The following PGCKA1 variants were observed in gnomAD, a reference collection of about 807,000 sequenced individuals.
PGCKA1 encodes PDCD10 and GCKIII kinases associated 1.
the PGCKA1 span, among the ~76,000 whole-genome samples, chr4:37,536,628 G>A: frequency 2.0e-5 from 3 of 152,262 alleles, no homozygotes; most frequent in Non-Finnish European, 4.4e-5. Context: ...TCTTTATCCT[G>A]TAGAGATGGA....
chr4:37,588,844 A>G, the PGCKA1 span: 1 of 1,607,350 alleles, frequency 6.2e-7, no homozygotes, highest in Non-Finnish European at 8.5e-7. Context: ...TTTCTTTTCC[A>G]GGTGGTAACA....
the PGCKA1 span, among the ~76,000 whole-genome samples, chr4:37,582,789 C>T: frequency 0.12 from 17,648 of 152,036 alleles, 2,765 homozygotes; most frequent in African/African-American, 0.35. Flanking sequence ...GTTTCTCCAA[C>T]GTAAGGATAA....
At chr4:37,478,881 G>A in the PGCKA1 span, among the ~76,000 whole-genome samples, 2 of 152,106 alleles carry the variant, frequency 1.3e-5, no homozygotes, top group Admixed American at 6.6e-5. Context: ...AGTATGTCCC[G>A]TAAACATCTT....
At chr4:37,485,513 C>T in the PGCKA1 span, among the ~76,000 whole-genome samples, 5 of 152,088 alleles carry the variant, frequency 3.3e-5, no homozygotes, top group African/African-American at 1.2e-4. Context: ...GATGGGGGCC[C>T]CTTGACCTTG....
At chr4:37,570,003 G>T in the PGCKA1 span, among the ~76,000 whole-genome samples, 1 of 131,956 alleles carries the variant, frequency 7.6e-6, no homozygotes. Flanking sequence ...TTTTTGAGAC[G>T]GAGTCTCGCT....
the PGCKA1 span, among the ~76,000 whole-genome samples, chr4:37,551,998 T>G: frequency 0.36 from 55,327 of 152,022 alleles, 10,240 homozygotes; most frequent in East Asian, 0.53. Flanking sequence ...AGGGAAGAGA[T>G]AAACCCTCTC....
At chr4:37,498,568 C>T in the PGCKA1 span, among the ~76,000 whole-genome samples, 5 of 152,150 alleles carry the variant, frequency 3.3e-5, no homozygotes, top group Non-Finnish European at 7.4e-5. Context: ...TTTGTGTTGT[C>T]TATGATTTCT....
At chr4:37,487,213 C>T in the PGCKA1 span, among the ~76,000 whole-genome samples, 2 of 152,084 alleles carry the variant, frequency 1.3e-5, no homozygotes, top group Non-Finnish European at 2.9e-5. Flanking sequence ...AGAGATTGAC[C>T]CCCACACACT....
At chr4:37,502,638 G>A in the PGCKA1 span, among the ~76,000 whole-genome samples, 1 of 152,154 alleles carries the variant, frequency 6.6e-6, no homozygotes. Flanking sequence ...TGCGCACATG[G>A]GTGCTAGCAG....
At chr4:37,482,595 G>C in the PGCKA1 span, among the ~76,000 whole-genome samples, 1 of 152,146 alleles carries the variant, frequency 6.6e-6, no homozygotes, top group African/African-American at 2.4e-5. Context: ...CCCTTTTTCT[G>C]GGGAGAAAGT....
the PGCKA1 span, among the ~76,000 whole-genome samples, chr4:37,511,931 C>T: frequency 6.6e-6 from 1 of 152,270 alleles, no homozygotes; most frequent in Non-Finnish European, 1.5e-5. Context: ...GCACAATTCC[C>T]CTCTGGCTAG....
the PGCKA1 span, among the ~76,000 whole-genome samples, chr4:37,527,912 A>G: frequency 6.6e-6 from 1 of 152,168 alleles, no homozygotes; most frequent in Non-Finnish European, 1.5e-5. Context: ...TCCTAGGGGC[A>G]ATAGGCTATA....
chr4:37,526,201 G>A, the PGCKA1 span, among the ~76,000 whole-genome samples: 9 of 152,158 alleles, frequency 5.9e-5, no homozygotes, highest in African/African-American at 9.7e-5. Flanking sequence ...TAATTGCTTC[G>A]TGTGTTGGAT....
chr4:37,503,330 C>T, the PGCKA1 span, among the ~76,000 whole-genome samples: 316 of 152,300 alleles, frequency 2.1e-3, 1 homozygote, highest in African/African-American at 7.4e-3. Context: ...CAGTGTCTTC[C>T]TTCCAGGCAC....
chr4:37,567,516 G>T, the PGCKA1 span, among the ~76,000 whole-genome samples: 3 of 152,344 alleles, frequency 2.0e-5, no homozygotes, highest in African/African-American at 7.2e-5. Flanking sequence ...CACAAAGCTA[G>T]TAAGCAGTGG....
At chr4:37,529,310 T>C in the PGCKA1 span, among the ~76,000 whole-genome samples, 26,376 of 152,188 alleles carry the variant, frequency 0.17, 2,537 homozygotes, top group East Asian at 0.26. Flanking sequence ...AATTATAAGC[T>C]AGTAAATCTT....
chr4:37,553,510 A>G, the PGCKA1 span, among the ~76,000 whole-genome samples: 10 of 152,358 alleles, frequency 6.6e-5, no homozygotes, highest in South Asian at 2.1e-3. Context: ...AATAAACTAT[A>G]ATATGGGATT....
At chr4:37,548,001 C>CAAAA in the PGCKA1 span, among the ~76,000 whole-genome samples, 32 of 115,736 alleles carry the variant, frequency 2.8e-4, 1 homozygote, top group East Asian at 1.2e-3. Context: ...TGGTTATCTT[C>CAAAA]AAAAAAAAAA....
chr4:37,472,352 A>C, the PGCKA1 span, among the ~76,000 whole-genome samples: 8 of 152,188 alleles, frequency 5.3e-5, no homozygotes, highest in Non-Finnish European at 2.9e-5. Context: ...TCACCAATTA[A>C]TTCTGTCTTT....
Sources: gnomAD v4.1 joint callset for allele counts (sites outside exome capture counted in the v4.1 genomes callset) on GRCh38, gnomAD v4.1.1 for gene constraint, MANE v1.5 for transcripts, NCBI Gene and HGNC (gene_info 2026-07-23, HGNC 2026-07-21) for gene names.